CD96: variants seen among roughly 807,000 people sequenced by gnomAD.
CD96 encodes T-cell surface protein tactile.
In CD96, 70 loss-of-function variants were observed where a neutral mutation model predicts 71.3. That is an observed-to-expected ratio of 0.98 (90% confidence interval 0.81 to 1.20). The LOEUF (loss-of-function observed/expected upper bound fraction) is 1.20. Ranked by LOEUF, CD96 falls within the 50% of genes most tolerant of loss-of-function variation. The pLI is 0.00. For synonymous variants in CD96, 248 were observed against 233.0 expected (o/e 1.06, Z -0.59); for missense variants, 742 against 677.5 (o/e 1.10, Z -1.06).
At chr3:111,643,809 A>G (rs1159108665) in intron 12 of CD96, among the ~76,000 whole-genome samples, 2 of 152,082 alleles carry the variant, frequency 1.3e-5, no homozygotes, top group African/African-American at 2.4e-5. Flanking sequence ...AAGAAAAACT[A>G]CAAAACACTG....
At chr3:111,580,315 AG>A (rs1338324009) in intron 4 of CD96, among the ~76,000 whole-genome samples, 2 of 152,230 alleles carry the variant, frequency 1.3e-5, no homozygotes, top group African/African-American at 2.4e-5. Flanking sequence ...CAGTGGTACA[AG>A]GAAGTACCAC....
At chr3:111,639,882 C>A (rs1576424329) in intron 12 of CD96, among the ~76,000 whole-genome samples, 3 of 152,308 alleles carry the variant, frequency 2.0e-5, no homozygotes, top group South Asian at 4.1e-4. Flanking sequence ...GGAGAGACAA[C>A]AATCACTGCC....
chr3:111,542,405 T>TTGATCACCACTGCTGAAAG, intron 1 of CD96, 96 bp downstream of exon 1: 1 of 939,246 alleles, frequency 1.1e-6, no homozygotes, highest in Non-Finnish European at 1.8e-6. Flanking sequence ...GCTGCTGAAA[T>TTGATCACCACTGCTGAAAG]TGATCACCAA....
chr3:111,554,649 A>G (rs886968019), intron 2 of CD96, among the ~76,000 whole-genome samples: 9 of 152,116 alleles, frequency 5.9e-5, no homozygotes, highest in African/African-American at 2.2e-4. Context: ...TAAATTAAGG[A>G]TTTAAAGCAG....
intron 2 of CD96, among the ~76,000 whole-genome samples, chr3:111,546,080 G>A (rs1218975599): frequency 1.3e-5 from 2 of 152,144 alleles, no homozygotes; most frequent in African/African-American, 4.8e-5. Context: ...CAACTCAGGA[G>A]ACCACCTCAG....
chr3:111,589,876 A>T (rs1229765045), intron 5 of CD96, among the ~76,000 whole-genome samples: 1 of 152,218 alleles, frequency 6.6e-6, no homozygotes, highest in African/African-American at 2.4e-5. Flanking sequence ...AGCTGGTTAC[A>T]TACCCTCATC....
rs370951160 is a variant in CD96 at position 111,594,078 on chromosome 3, T to C, written c.808-4042T>C. ...TTGTTGTGGGGCATTGGAGTGGGCA[T>C]AGCACTCACAAAAGGGCCAACCAGT... On this transcript the variant is annotated intron_variant, in intron 5 of 13. Coordinates refer to ENST00000352690, the MANE Select transcript of CD96 (RefSeq NM_005816.5). 34 of 1,614,050 alleles carry C rather than the reference T, an allele frequency of 2.1e-5. No individual in the cohort carries two copies. The African/African-American group carries it at 2.4e-4, about 11-fold the overall frequency.
At chr3:111,554,725 G>A (rs1391539587) in intron 2 of CD96, among the ~76,000 whole-genome samples, 1 of 152,070 alleles carries the variant, frequency 6.6e-6, no homozygotes, top group Admixed American at 6.6e-5. Flanking sequence ...CTGTGGTGGA[G>A]GGGGATGGTT....
intron 3 of CD96, among the ~76,000 whole-genome samples, chr3:111,569,678 C>G (rs1361591387): frequency 6.6e-6 from 1 of 152,208 alleles, no homozygotes; most frequent in African/African-American, 2.4e-5. Flanking sequence ...TATCTTGTCT[C>G]ATGGGTATGT....
intron 8 of CD96, among the ~76,000 whole-genome samples, chr3:111,620,818 G>A (rs1938485302): frequency 6.6e-6 from 1 of 152,178 alleles, no homozygotes; most frequent in Non-Finnish European, 1.5e-5. Context: ...AAGGCAGCAT[G>A]CATCCCTGAG....
chr3:111,610,268 T>A (rs934594457), intron 8 of CD96, among the ~76,000 whole-genome samples: 2 of 152,220 alleles, frequency 1.3e-5, no homozygotes, highest in Non-Finnish European at 2.9e-5. Flanking sequence ...AAATCCAAAT[T>A]TTGCCTTGGC....
intron 2 of CD96, among the ~76,000 whole-genome samples, chr3:111,553,174 T>C (rs1202754692): frequency 6.6e-6 from 1 of 151,476 alleles, no homozygotes; most frequent in Non-Finnish European, 1.5e-5. Context: ...ATATTTTGTT[T>C]TTTTTTTTAA....
chr3:111,644,391 A>T (rs1487718626), intron 12 of CD96, among the ~76,000 whole-genome samples: 3 of 152,232 alleles, frequency 2.0e-5, no homozygotes, highest in Admixed American at 1.3e-4. Flanking sequence ...TCTTCTAGAC[A>T]TGAGCTCAGG....
intron 8 of CD96, among the ~76,000 whole-genome samples, chr3:111,620,372 G>T (rs1938460903): frequency 6.6e-6 from 1 of 152,216 alleles, no homozygotes; most frequent in Admixed American, 6.5e-5. Flanking sequence ...AGTATCAAGA[G>T]AGGACTATGT....
Position 111,612,878 on chromosome 3 carries a change from G to T in CD96, c.1180+6086G>T, listed in dbSNP as rs1188165472. ...TGAGAGTGAAGATAACATTTCCTCA[G>T]TTGGAAATAAATTAGAGAAACCCCT... On this transcript the variant is annotated intron_variant, in intron 8 of 13. Transcript: ENST00000352690. 16 of 949,070 alleles carry T rather than the reference G, an allele frequency of 1.7e-5. No homozygotes were observed. In the African/African-American group the frequency reaches 2.3e-4, roughly 14 times the overall value. 58.8% of individuals were successfully genotyped at this position (949,070 alleles called of 1,614,324 possible). A position where few individuals can be genotyped will look rare whatever the true frequency, so the allele number is the denominator to read the frequency against.
chr3:111,576,281 CTCTA>C (rs1200493862), intron 3 of CD96, among the ~76,000 whole-genome samples: 3 of 152,086 alleles, frequency 2.0e-5, no homozygotes, highest in East Asian at 1.9e-4. Flanking sequence ...AGGTTCTTGC[CTCTA>C]TCTGTCTGTT....
chr3:111,620,867 T>C (rs1326498306), intron 8 of CD96, among the ~76,000 whole-genome samples: 1 of 152,216 alleles, frequency 6.6e-6, no homozygotes, highest in African/African-American at 2.4e-5. Flanking sequence ...AATAACATAA[T>C]AGGTAGAATC....
chr3:111,655,549 G>T (rs1241024905), downstream of CD96, among the ~76,000 whole-genome samples: 1 of 152,120 alleles, frequency 6.6e-6, no homozygotes, highest in East Asian at 1.9e-4. Flanking sequence ...GTCAATAGAG[G>T]CAAGGCCACT....
At chr3:111,606,657 T>C (rs371757195) in intron 7 of CD96, 43 bp from the exon 8 acceptor site, 4 of 946,460 alleles carry the variant, frequency 4.2e-6, no homozygotes, top group East Asian at 2.4e-5. Flanking sequence ...ATCTTTTGAT[T>C]ACAATATTTT....
Sources: allele counts gnomAD v4.1 joint callset (sites outside exome capture counted in the v4.1 genomes callset), GRCh38; gene constraint gnomAD v4.1.1; transcripts MANE v1.5; gene names NCBI Gene and HGNC (gene_info 2026-07-23, HGNC 2026-07-21).